The following REV1 variants were observed in gnomAD, a reference collection of about 807,000 sequenced individuals.
REV1 encodes REV1 DNA directed polymerase.
A neutral mutation model predicts 137.4 loss-of-function variants in REV1; 42 were observed. The observed-to-expected ratio is 0.31, with a 90% CI of 0.24 to 0.40. The LOEUF (loss-of-function observed/expected upper bound fraction) is 0.40. REV1 is among the 10% of genes least tolerant of loss of function. The pLI, the probability that REV1 is intolerant of heterozygous loss-of-function variation, is 1.00. For missense variants in REV1, 1,282 were observed against 1,490.1 expected (o/e 0.86, Z 2.30); for synonymous variants, 524 against 519.2 (o/e 1.01, Z -0.12).
chr2:99,452,339 C>T (rs1445986817), intron 3 of REV1, among the ~76,000 whole-genome samples: 1 of 149,842 alleles, frequency 6.7e-6, no homozygotes, highest in Non-Finnish European at 1.5e-5. Context: ...AAGTGGATAC[C>T]TTGAGCCAGA....
chr2:99,482,078 G>C (rs567554902), intron 1 of REV1, among the ~76,000 whole-genome samples: 220 of 152,298 alleles, frequency 1.4e-3, no homozygotes, highest in African/African-American at 5.2e-3. Flanking sequence ...GTGAATAGTG[G>C]GTTGGGCTTT....
chr2:99,466,924 C>A (rs1386275148), intron 1 of REV1, among the ~76,000 whole-genome samples: 1 of 152,106 alleles, frequency 6.6e-6, no homozygotes, highest in Non-Finnish European at 1.5e-5. Context: ...AGACTTCAGC[C>A]CTTAAAGGAA....
At chr2:99,449,119 G>C (rs1682604997) in intron 4 of REV1, among the ~76,000 whole-genome samples, 2 of 152,214 alleles carry the variant, frequency 1.3e-5, no homozygotes, top group South Asian at 4.1e-4. Context: ...CAAAAAATCA[G>C]CCAGGTGTGG....
intron 22 of REV1, among the ~76,000 whole-genome samples, chr2:99,401,746 CAAAAAAA>C (rs1048221822): frequency 6.6e-6 from 1 of 151,428 alleles, no homozygotes; most frequent in African/African-American, 2.4e-5. Context: ...GACTCCATCT[CAAAAAAA>C]ATAAAATCCT....
At chr2:99,425,698 T>C (rs113772558) in intron 9 of REV1, among the ~76,000 whole-genome samples, 21 of 152,360 alleles carry the variant, frequency 1.4e-4, no homozygotes, top group African/African-American at 4.6e-4. Flanking sequence ...AGATTCAGCA[T>C]GTAAAAGCTG....
At chr2:99,418,049 CT>C (rs1239143348) in intron 12 of REV1, among the ~76,000 whole-genome samples, 14 of 152,200 alleles carry the variant, frequency 9.2e-5, no homozygotes, top group Admixed American at 2.0e-4. Flanking sequence ...AATGCCATTT[CT>C]GTCGTTTAAT....
intron 1 of REV1, among the ~76,000 whole-genome samples, chr2:99,473,267 C>T (rs1685609144): frequency 6.6e-6 from 1 of 150,974 alleles, no homozygotes; most frequent in Non-Finnish European, 1.5e-5. Flanking sequence ...ACTCAGGAGG[C>T]TGAGGCAGGA....
At chr2:99,436,980 C>CTTT (rs898496297) in intron 6 of REV1, among the ~76,000 whole-genome samples, 10 of 145,774 alleles carry the variant, frequency 6.9e-5, no homozygotes, top group East Asian at 6.2e-4. Flanking sequence ...TCTCCCCCAA[C>CTTT]TTTTTTTTTG....
chr2:99,489,249 C>G (rs1687424850), intron 1 of REV1, among the ~76,000 whole-genome samples: 1 of 152,180 alleles, frequency 6.6e-6, no homozygotes, highest in Non-Finnish European at 1.5e-5. Context: ...GACATTCCGA[C>G]CGGTTCTGGG....
At chr2:99,476,553 CAATAAT>C (rs35637032) in intron 1 of REV1, among the ~76,000 whole-genome samples, 9 of 149,538 alleles carry the variant, frequency 6.0e-5, no homozygotes, top group South Asian at 2.1e-4. Flanking sequence ...AAGAATCTGT[CAATAAT>C]AATAATAATA....
At chr2:99,486,918 A>G (rs78254852) in intron 1 of REV1, among the ~76,000 whole-genome samples, 2 of 49,552 alleles carry the variant, frequency 4.0e-5, no homozygotes, top group East Asian at 4.2e-4. Flanking sequence ...AATAAGTGGG[A>G]AAAAAAAAAC....
chr2:99,442,040 C>T (rs1681549902), intron 5 of REV1, among the ~76,000 whole-genome samples: 1 of 151,320 alleles, frequency 6.6e-6, no homozygotes, highest in Non-Finnish European at 1.5e-5. Context: ...GATCACAAGG[C>T]CAGGAGTTCG....
At chr2:99,484,731 G>C (rs1383805470) in intron 1 of REV1, among the ~76,000 whole-genome samples, 5 of 151,672 alleles carry the variant, frequency 3.3e-5, no homozygotes, top group African/African-American at 1.2e-4. Flanking sequence ...TAATGATGAA[G>C]CTGCCAGTAG....
intron 8 of REV1, among the ~76,000 whole-genome samples, chr2:99,431,354 A>G (rs949433447): frequency 6.6e-6 from 1 of 152,200 alleles, no homozygotes; most frequent in African/African-American, 2.4e-5. Flanking sequence ...ACAGAATCCC[A>G]AGCAGATTAC....
intron 13 of REV1, among the ~76,000 whole-genome samples, chr2:99,412,060 C>T (rs565644327): frequency 2.8e-4 from 42 of 151,874 alleles, no homozygotes; most frequent in African/African-American, 9.7e-4. Flanking sequence ...GGTGAAACCA[C>T]GTCTCTACTA....
intron 3 of REV1, among the ~76,000 whole-genome samples, chr2:99,460,689 C>T (rs1292682718): frequency 1.3e-5 from 2 of 151,496 alleles, no homozygotes; most frequent in African/African-American, 4.8e-5. Flanking sequence ...TTTACAGCAC[C>T]ACAGTTTGGA....
At chr2:99,439,521 G>A (rs1482368614) in intron 5 of REV1, among the ~76,000 whole-genome samples, 1 of 150,224 alleles carries the variant, frequency 6.7e-6, no homozygotes, top group Non-Finnish European at 1.5e-5. Flanking sequence ...ATCATTCTTT[G>A]CAAAAGTAGC....
intron 3 of REV1, among the ~76,000 whole-genome samples, chr2:99,459,365 C>G (rs1683915924): frequency 6.6e-6 from 1 of 151,990 alleles, no homozygotes; most frequent in African/African-American, 2.4e-5. Flanking sequence ...TGTGCTATGT[C>G]TTACAACTGC....
Sources: gnomAD v4.1 joint callset for allele counts (sites outside exome capture counted in the v4.1 genomes callset) on GRCh38, gnomAD v4.1.1 for gene constraint, MANE v1.5 for transcripts, NCBI Gene and HGNC (gene_info 2026-07-23, HGNC 2026-07-21) for gene names.